The following CNBD1 variants were observed in gnomAD, a reference collection of about 807,000 sequenced individuals.
The protein encoded by CNBD1 is cyclic nucleotide-binding domain-containing protein 1.
In CNBD1, 71 loss-of-function variants were observed where a neutral mutation model predicts 54.4. The observed-to-expected ratio is 1.30, with a 90% confidence interval of 1.08 to 1.59. The LOEUF (loss-of-function observed/expected upper bound fraction) is 1.59. CNBD1 is among the 40% of genes most tolerant of loss of function. The pLI is 0.00. For missense variants in CNBD1, 659 were observed against 518.0 expected (o/e 1.27, Z -2.64); for synonymous variants, 182 against 170.7 (o/e 1.07, Z -0.51).
chr8:86,964,278 C>T (rs2130476811), intron 4 of CNBD1, among the ~76,000 whole-genome samples: 1 of 152,294 alleles, frequency 6.6e-6, no homozygotes. Flanking sequence ...AATATGCACA[C>T]CTGTAAGGGC....
chr8:87,270,420 C>G (rs1808338179), intron 6 of CNBD1, among the ~76,000 whole-genome samples: 1 of 151,962 alleles, frequency 6.6e-6, no homozygotes, highest in Non-Finnish European at 1.5e-5. Flanking sequence ...GAGATACCAT[C>G]TCACGCCAGT....
At chr8:87,269,032 C>T (rs933679901) in intron 6 of CNBD1, among the ~76,000 whole-genome samples, 1 of 151,962 alleles carries the variant, frequency 6.6e-6, no homozygotes, top group Non-Finnish European at 1.5e-5. Flanking sequence ...TCTAGGTTGT[C>T]CTCTAGGGTT....
At chr8:87,164,641 C>G (rs542299179) in intron 4 of CNBD1, among the ~76,000 whole-genome samples, 1 of 151,534 alleles carries the variant, frequency 6.6e-6, no homozygotes, top group Non-Finnish European at 1.5e-5. Flanking sequence ...GTCGTAATGT[C>G]TCCTCTTTAA....
At chr8:86,973,876 G>A (rs1046406591) in intron 4 of CNBD1, among the ~76,000 whole-genome samples, 11 of 152,024 alleles carry the variant, frequency 7.2e-5, no homozygotes, top group African/African-American at 9.7e-5. Context: ...TGCTGATTTC[G>A]GAGAGTGACT....
At chr8:87,155,991 G>A (rs1370996500) in intron 4 of CNBD1, among the ~76,000 whole-genome samples, 1 of 151,848 alleles carries the variant, frequency 6.6e-6, no homozygotes, top group Non-Finnish European at 1.5e-5. Flanking sequence ...ATGAAACTTG[G>A]GAAAACAGAC....
At chr8:87,058,727 C>G (rs969344987) in intron 4 of CNBD1, among the ~76,000 whole-genome samples, 1 of 152,178 alleles carries the variant, frequency 6.6e-6, no homozygotes. Flanking sequence ...TAGGAAGGCC[C>G]TGGACCCAGT....
chr8:87,112,486 G>A (rs1477025536), intron 4 of CNBD1, among the ~76,000 whole-genome samples: 2 of 152,156 alleles, frequency 1.3e-5, no homozygotes, highest in African/African-American at 4.8e-5. Flanking sequence ...AACCCTGACA[G>A]AGAAGCCCTC....
intron 4 of CNBD1, among the ~76,000 whole-genome samples, chr8:87,032,204 A>T (rs1586210707): frequency 1.3e-5 from 2 of 152,326 alleles, no homozygotes; most frequent in East Asian, 1.9e-4. Flanking sequence ...ATCCAAAATT[A>T]TATGCAATTC....
intron 2 of CNBD1, among the ~76,000 whole-genome samples, chr8:87,392,597 G>A (rs1295656310): frequency 6.6e-6 from 1 of 152,020 alleles, no homozygotes; most frequent in Admixed American, 6.6e-5. Context: ...GAAATGCACA[G>A]AATAGGCAAA....
intron 6 of CNBD1, among the ~76,000 whole-genome samples, chr8:87,279,710 G>C (rs1808557049): frequency 6.6e-6 from 1 of 150,924 alleles, no homozygotes; most frequent in Non-Finnish European, 1.5e-5. Flanking sequence ...TTTATATCGA[G>C]ATTATATATT....
intron 10 of CNBD1, among the ~76,000 whole-genome samples, chr8:87,356,482 AT>A (rs1192694157): frequency 1.3e-5 from 2 of 152,174 alleles, no homozygotes; most frequent in African/African-American, 4.8e-5. Context: ...CATTGTGTCC[AT>A]GCCCTAAAGA....
At chr8:87,419,377 G>C (rs1020539952) in intron 2 of CNBD1, among the ~76,000 whole-genome samples, 2 of 151,798 alleles carry the variant, frequency 1.3e-5, no homozygotes, top group Non-Finnish European at 2.9e-5. Flanking sequence ...ATTAGATATG[G>C]TTCCACAGTT....
chr8:87,394,168 T>A (rs1811367946), intron 2 of CNBD1, among the ~76,000 whole-genome samples: 1 of 151,906 alleles, frequency 6.6e-6, no homozygotes. Context: ...TGTTACACTA[T>A]GGACTATTTA....
At chr8:86,878,320 T>C (rs1463041818) in intron 1 of CNBD1, among the ~76,000 whole-genome samples, 1 of 152,108 alleles carries the variant, frequency 6.6e-6, no homozygotes, top group Admixed American at 6.6e-5. Context: ...TGTTAGAAAA[T>C]AAATGGTGGT....
At chr8:87,113,890 A>G (rs942479167) in intron 4 of CNBD1, among the ~76,000 whole-genome samples, 1 of 151,806 alleles carries the variant, frequency 6.6e-6, no homozygotes. Flanking sequence ...CTGTACTTCA[A>G]CATGGGAGAC....
At chr8:86,902,797 A>G (rs1808958279) in intron 2 of CNBD1, among the ~76,000 whole-genome samples, 1 of 151,966 alleles carries the variant, frequency 6.6e-6, no homozygotes, top group Admixed American at 6.6e-5. Context: ...TAGGTCCATG[A>G]TCTACTCTCC....
intron 3 of CNBD1, among the ~76,000 whole-genome samples, chr8:86,926,273 T>G (rs1809359037): frequency 6.6e-6 from 1 of 152,056 alleles, no homozygotes; most frequent in Admixed American, 6.5e-5. Flanking sequence ...TCCTGCTGGA[T>G]AGGGGTGAAG....
intron 3 of CNBD1, among the ~76,000 whole-genome samples, chr8:86,923,329 C>T (rs963210141): frequency 3.9e-5 from 6 of 152,186 alleles, no homozygotes; most frequent in African/African-American, 1.4e-4. Flanking sequence ...GGGATGGTCC[C>T]CGCTTGGCCC....
At chr8:87,339,617 T>C (rs1055171391) in intron 8 of CNBD1, among the ~76,000 whole-genome samples, 1 of 152,162 alleles carries the variant, frequency 6.6e-6, no homozygotes, top group Non-Finnish European at 1.5e-5. Flanking sequence ...AAATCTCATT[T>C]TGTTAATTTT....
Sources: allele counts gnomAD v4.1 joint callset (sites outside exome capture counted in the v4.1 genomes callset), GRCh38; gene constraint gnomAD v4.1.1; transcripts MANE v1.5; gene names NCBI Gene and HGNC (gene_info 2026-07-23, HGNC 2026-07-21).